Variants in MYO1F observed in about 807,000 individuals in gnomAD.
The protein encoded by MYO1F is unconventional myosin-If.
Under a neutral mutation model 146.6 loss-of-function variants are expected in MYO1F, and 60 were observed. The ratio of observed to expected loss-of-function variants is 0.41; its 90% CI spans 0.33 to 0.51. The LOEUF (loss-of-function observed/expected upper bound fraction) is 0.51. Among genes scored for constraint, MYO1F ranks in the 20% least tolerant of loss-of-function variants. The probability of loss-of-function intolerance (pLI) is 0.25; values close to 1 mark genes in which losing one functional copy is unlikely to be tolerated. For synonymous variants in MYO1F, 602 were observed against 602.1 expected (o/e 1.00, Z 0.00); for missense variants, 1,274 against 1,534.3 (o/e 0.83, Z 2.83).
chr19:8,575,841 G>A (rs1408842337), intron 1 of MYO1F, among the ~76,000 whole-genome samples: 4 of 152,142 alleles, frequency 2.6e-5, no homozygotes, highest in African/African-American at 9.7e-5. Context: ...TTTCTTTCAA[G>A]TAGCAAATCA....
At position 8,550,069 on chromosome 19, in the gene MYO1F, G is replaced by A. The variant is rs533084662; in HGVS notation, c.1101+91C>T. On this transcript the variant is annotated intron_variant, in intron 10 of 27. Transcript: ENST00000644032. ...CCCAACTCAGCCACCCAAAGCATTG[G>A]GATTGCAGCCGTGAGCCACTGCACT... 2.1e-5 allele frequency: 30 copies of A among 1,436,112 alleles called. No homozygotes were observed. The African/African-American group carries it at 3.4e-4, about 16-fold the overall frequency. The allele number at this position is 1,436,112 out of a possible 1,614,324, so 89.0% of individuals were successfully genotyped here.
At chr19:8,522,136 C>T (rs533119990) in intron 27 of MYO1F, among the ~76,000 whole-genome samples, 24 of 152,092 alleles carry the variant, frequency 1.6e-4, no homozygotes, top group Non-Finnish European at 3.1e-4. Flanking sequence ...CATTCTCCTG[C>T]CTCAGCCTCC....
At chr19:8,533,948 G>T (rs550321721) in intron 19 of MYO1F, among the ~76,000 whole-genome samples, 60 of 152,222 alleles carry the variant, frequency 3.9e-4, no homozygotes, top group African/African-American at 1.4e-3. Flanking sequence ...ACTTTGGGAG[G>T]CTGAGGTGGG....
At position 8,525,554 on chromosome 19, in the gene MYO1F, G is replaced by C. The variant is rs1972230837; in HGVS notation, c.2779C>G (p.Arg927Gly). 1 of 1,613,102 alleles carries C rather than the reference G, an allele frequency of 6.2e-7. No homozygotes were observed. The highest frequency in any genetic ancestry group is 8.5e-7 in the Non-Finnish European group (1 of 1,179,840). The change falls in exon 25 of 28, where the codon CGG becomes GGG. Residue 927 changes from arginine to glycine, a missense_variant. By Grantham distance (125) the Arg-to-Gly change is moderately radical (BLOSUM62 -2). Transcript: ENST00000644032. ...DGLPKSSKPTRKGMAKGKPRR... is the reference protein window; with the variant it reads ...DGLPKSSKPTGKGMAKGKPRR... The stretch of plus-strand genomic sequence containing the variant: ...GGTTTTCCCTTGGCCATTCCCTTCC[G>C]CGTAGGCTCTGAAAGAAGAGTGTCA...
rs1223473409 is a variant in MYO1F, at chr19:8,530,127, G to T, written c.2328+69C>A. ...GGGGGATATCTGGCTGTGGGCAGGT[G>T]CATCTGGGCCAGGTGAGGGTGCCAG... On this transcript the variant is annotated intron_variant, in intron 21 of 27. Coordinates refer to ENST00000644032, the MANE Select transcript of MYO1F (RefSeq NM_012335.4). This position sits in a 1 kb window ranked among gnomAD's most constrained non-coding sequence, Gnocchi z 5.8. The T allele has an allele frequency of 1.9e-6, 3 of 1,594,344 alleles. No individual in the cohort carries two copies. Among genetic ancestry groups the T allele is most frequent in the Admixed American group, 1.7e-5 (1 of 59,966 alleles).
chr19:8,540,098 G>A, intron 15 of MYO1F, 70 bp from the exon 16 acceptor site: 1 of 1,308,764 alleles, frequency 7.6e-7, no homozygotes, highest in East Asian at 2.4e-5. Flanking sequence ...CTCCAGGGGT[G>A]GGGCAGCCTC....
intron 19 of MYO1F, among the ~76,000 whole-genome samples, chr19:8,532,601 T>A (rs957492014): frequency 2.6e-5 from 4 of 151,846 alleles, no homozygotes; most frequent in African/African-American, 9.7e-5. Context: ...ATAATGCAAA[T>A]ATAGGCTGGG....
chr19:8,531,462 C>T (rs372996862), intron 19 of MYO1F, among the ~76,000 whole-genome samples: 2 of 152,278 alleles, frequency 1.3e-5, no homozygotes, highest in East Asian at 1.9e-4. Context: ...GATCCTCCCA[C>T]CTCTGCCTCC....
chr19:8,550,592 C>T lies in MYO1F; in HGVS notation c.874G>A (p.Gly292Arg), dbSNP rs751357754. 4.3e-5 allele frequency: 70 copies of T among 1,614,058 alleles called. 2 individuals are homozygous for T. The South Asian group carries it at 6.8e-4, about 16-fold the overall frequency. Reference protein sequence around the residue: ...HLGNISFCEDGNYARVESVDL... With the variant: ...HLGNISFCEDRNYARVESVDL... ...ACACTCTCCACTCGGGCGTAATTCCCGTCTTCACAGAAACTGATGTTCCCC... is the reference window on the plus strand; with the variant it reads ...ACACTCTCCACTCGGGCGTAATTCCTGTCTTCACAGAAACTGATGTTCCCC... The change falls in exon 9 of 28, where the codon GGG becomes AGG. Residue 292 changes from glycine (G) to arginine (R), a missense_variant. Physicochemically the swap from Gly to Arg is moderately radical, Grantham distance 125 (BLOSUM62 -2). Transcript: ENST00000644032.
At chr19:8,568,577 G>A (rs1001771601) in intron 1 of MYO1F, among the ~76,000 whole-genome samples, 1 of 152,012 alleles carries the variant, frequency 6.6e-6, no homozygotes, top group Non-Finnish European at 1.5e-5. Context: ...GACTGACTGT[G>A]TGACTCTGGG....
chr19:8,536,625 T>A (rs748169756), intron 17 of MYO1F, 28 bp from the exon 18 acceptor site: 5 of 582,458 alleles, frequency 8.6e-6, no homozygotes, highest in Non-Finnish European at 1.2e-5. Flanking sequence ...CTGAGTCCCC[T>A]CGGGGTGGGG....
At chr19:8,554,933 C>A (rs981414653) in intron 2 of MYO1F, among the ~76,000 whole-genome samples, 190 bp from the exon 3 acceptor site, 1 of 152,042 alleles carries the variant, frequency 6.6e-6, no homozygotes, top group African/African-American at 2.4e-5. Context: ...CCTGTAATCC[C>A]AGCACTTTGG....
chr19:8,573,116 T>C (rs1332429980), intron 1 of MYO1F, among the ~76,000 whole-genome samples: 1 of 151,850 alleles, frequency 6.6e-6, no homozygotes, highest in African/African-American at 2.4e-5. Flanking sequence ...AGACCATCCT[T>C]GCTAACACGG....
At chr19:8,552,833 G>T (rs1160431362) in intron 6 of MYO1F, among the ~76,000 whole-genome samples, 1 of 152,186 alleles carries the variant, frequency 6.6e-6, no homozygotes, top group Non-Finnish European at 1.5e-5. Flanking sequence ...TCGAAAGAAG[G>T]AATGGATGAG....
intron 4 of MYO1F, among the ~76,000 whole-genome samples, chr19:8,553,900 T>A (rs375117569): frequency 2.2e-3 from 242 of 108,584 alleles, no homozygotes; most frequent in African/African-American, 9.4e-3. Context: ...ACACACTCTC[T>A]CTCTCTCTCT....
chr19:8,526,503 C>T lies in MYO1F; in HGVS notation c.2720G>A (p.Gly907Asp), dbSNP rs1972273650. ...CACGCTGACCGTGAGGGTCCGACCG[C>T]CAACCTTGAGCACTGCCAAGTCGCC... is the stretch of plus-strand genomic sequence containing the variant. ...GFGDLAVLKV[G>D]GRTLTVSVGD... The change falls in exon 24 of 28, where the codon GGC (glycine) becomes GAC (aspartate). Residue 907 changes from glycine to aspartate, a missense_variant. Physicochemically the swap from Gly to Asp is moderately conservative, Grantham distance 94. Around this residue, in one of 2 missense-constraint regions of MYO1F, gnomAD observed 374 missense variants for 379.2 expected, o/e 0.99. Coordinates refer to ENST00000644032, the MANE Select transcript of MYO1F (RefSeq NM_012335.4). 3 of 1,578,452 alleles carry T rather than the reference C, an allele frequency of 1.9e-6. No homozygotes were observed. Among genetic ancestry groups the T allele is most frequent in the Non-Finnish European group, 1.7e-6 (2 of 1,163,296 alleles).
Position 8,554,583 on chromosome 19 carries a change from G to A in MYO1F, c.232-12C>T. The A allele has an allele frequency of 6.2e-7, 1 of 1,611,980 alleles. No homozygotes were observed. The highest frequency in any genetic ancestry group is 8.5e-7 in the Non-Finnish European group (1 of 1,178,104). On this transcript the variant is annotated splice_polypyrimidine_tract_variant and intron_variant, in intron 3 of 27. Transcript: ENST00000644032. ...TTCTCATACTGGGCCTGGCAGGGGAGGTCAGGTCTCAGCCCAGGGCTGGGG... is the reference window on the plus strand; with the variant it reads ...TTCTCATACTGGGCCTGGCAGGGGAAGTCAGGTCTCAGCCCAGGGCTGGGG...
At chr19:8,539,594 T>TAAA (rs1244560173) in intron 16 of MYO1F, among the ~76,000 whole-genome samples, 1 of 120,122 alleles carries the variant, frequency 8.3e-6, no homozygotes, top group African/African-American at 5.8e-5. Flanking sequence ...AGACTCTGTC[T>TAAA]CAAAAAAAAA....
At chr19:8,553,526 TGCCTGCC>T in intron 4 of MYO1F, 89 bp from the exon 5 acceptor site, 1 of 1,036,840 alleles carries the variant, frequency 9.6e-7, no homozygotes, top group Non-Finnish European at 1.5e-6. Flanking sequence ...ACCTACTGTG[TGCCTGCC>T]AGTATTCCGG....
Sources: allele counts gnomAD v4.1 joint callset (sites outside exome capture counted in the v4.1 genomes callset), GRCh38; gene constraint gnomAD v4.1.1; regional missense constraint gnomAD v4.1.1; non-coding constraint Gnocchi (gnomAD v3.1); transcripts MANE v1.5; gene names NCBI Gene and HGNC (gene_info 2026-07-23, HGNC 2026-07-21).